Variants in SUGCT observed in about 807,000 individuals in gnomAD.
SUGCT encodes succinyl-CoA:glutarate-CoA transferase.
In SUGCT, 41 loss-of-function variants were observed where a neutral mutation model predicts 55.0. The ratio of observed to expected loss-of-function variants is 0.74; its 90% confidence interval spans 0.58 to 0.97. The LOEUF is 0.97. Among genes scored for constraint, SUGCT ranks in the 50% least tolerant of loss-of-function variants. The probability of loss-of-function intolerance (pLI) is 0.00; values close to 1 mark genes in which losing one functional copy is unlikely to be tolerated. For synonymous variants in SUGCT, 187 were observed against 200.4 expected (o/e 0.93, Z 0.56); for missense variants, 568 against 547.8 (o/e 1.04, Z -0.37).
chr7:41,008,946 G>A, the SUGCT span, among the ~76,000 whole-genome samples: 1 of 152,028 alleles, frequency 6.6e-6, no homozygotes, highest in East Asian at 1.9e-4. Context: ...GTTGGGTCTT[G>A]CGAGAATATG....
chr7:40,602,797 C>G (rs1798356764), intron 12 of SUGCT, among the ~76,000 whole-genome samples: 1 of 152,182 alleles, frequency 6.6e-6, no homozygotes, highest in Non-Finnish European at 1.5e-5. Context: ...GGTGTATGTA[C>G]TATCTCTCCC....
chr7:40,775,616 G>A (rs1321819250), intron 13 of SUGCT: 1 of 152,158 alleles, frequency 6.6e-6, no homozygotes, highest in East Asian at 1.9e-4. Flanking sequence ...GCTTCTCCAT[G>A]GGAGAAAATT....
At chr7:40,906,474 G>T in the SUGCT span, among the ~76,000 whole-genome samples, 1 of 152,066 alleles carries the variant, frequency 6.6e-6, no homozygotes, top group East Asian at 1.9e-4. Flanking sequence ...CAAGTATGTG[G>T]GCCCTCCATA....
chr7:40,640,249 T>C (rs1800210821), intron 12 of SUGCT, among the ~76,000 whole-genome samples: 1 of 152,212 alleles, frequency 6.6e-6, no homozygotes, highest in South Asian at 2.1e-4. Flanking sequence ...AAGCATGATA[T>C]ATGTTTATAC....
intron 12 of SUGCT, among the ~76,000 whole-genome samples, chr7:40,683,311 T>C (rs1337893639): frequency 6.6e-6 from 1 of 152,194 alleles, no homozygotes; most frequent in African/African-American, 2.4e-5. Context: ...CTGAAACTTC[T>C]GCAAATGTCG....
intron 12 of SUGCT, among the ~76,000 whole-genome samples, chr7:40,545,556 A>C (rs758008576): frequency 1.3e-5 from 2 of 152,150 alleles, no homozygotes; most frequent in Non-Finnish European, 2.9e-5. Flanking sequence ...CCTTACCTGA[A>C]AGCTTCCGGA....
At chr7:40,170,270 A>C (rs1384935271) in intron 1 of SUGCT, among the ~76,000 whole-genome samples, 1 of 152,132 alleles carries the variant, frequency 6.6e-6, no homozygotes, top group African/African-American at 2.4e-5. Flanking sequence ...CACTTCTCTC[A>C]TTTGGGGTTA....
chr7:40,190,907 C>G (rs1388722276), intron 5 of SUGCT, among the ~76,000 whole-genome samples: 2 of 152,134 alleles, frequency 1.3e-5, no homozygotes, highest in Non-Finnish European at 2.9e-5. Flanking sequence ...ACTGCATTTT[C>G]CATCCACGTT....
chr7:40,716,323 A>G (rs1274737683), intron 12 of SUGCT, among the ~76,000 whole-genome samples: 1 of 152,222 alleles, frequency 6.6e-6, no homozygotes, highest in Non-Finnish European at 1.5e-5. Context: ...CCTATTACAT[A>G]TAATGTGACT....
chr7:40,315,833 T>C (rs1175704939), intron 8 of SUGCT, among the ~76,000 whole-genome samples: 1 of 152,180 alleles, frequency 6.6e-6, no homozygotes, highest in Non-Finnish European at 1.5e-5. Flanking sequence ...TTTTATTCTT[T>C]TCTGGAATCC....
Position 40,379,515 on chromosome 7 carries a change from C to CT in SUGCT, c.816+62667dup, listed in dbSNP as rs371887630. Reference sequence around the variant, plus strand: ...CAATTCTGGAAATTATATGCTGGCTCTTTTTTTAGGATTTGTTGTTGTTTT... The same window carrying CT: ...CAATTCTGGAAATTATATGCTGGCTCTTTTTTTTAGGATTTGTTGTTGTTTT... On this transcript the variant is annotated intron_variant, in intron 9 of 13. Coordinates refer to ENST00000335693, the MANE Select transcript of SUGCT (RefSeq NM_001193313.2). Among the ~76,000 whole-genome samples, 13 of 152,244 alleles carry CT rather than the reference C, an allele frequency of 8.5e-5. No homozygotes were observed. The South Asian group carries it at 2.5e-3, about 29-fold the overall frequency.
chr7:40,626,473 C>T (rs1239400435), intron 12 of SUGCT, among the ~76,000 whole-genome samples: 2 of 151,196 alleles, frequency 1.3e-5, no homozygotes, highest in Non-Finnish European at 2.9e-5. Flanking sequence ...AGGATGGTCT[C>T]GATCTCTTGA....
chr7:40,879,438 C>G, the SUGCT span, among the ~76,000 whole-genome samples: 1 of 152,158 alleles, frequency 6.6e-6, no homozygotes, highest in Non-Finnish European at 1.5e-5. Flanking sequence ...ACATCTCTAA[C>G]TCAGAAATAC....
At chr7:40,263,012 T>C (rs994543650) in intron 7 of SUGCT, among the ~76,000 whole-genome samples, 5 of 152,206 alleles carry the variant, frequency 3.3e-5, no homozygotes, top group Non-Finnish European at 7.3e-5. Context: ...AAACTCTGCC[T>C]CCTGTTTTCA....
intron 12 of SUGCT, among the ~76,000 whole-genome samples, chr7:40,686,159 C>G (rs909588954): frequency 1.3e-5 from 2 of 152,048 alleles, no homozygotes; most frequent in African/African-American, 2.4e-5. Context: ...GTTTCCTGTT[C>G]CATTGTTTCC....
At chr7:40,570,142 A>T (rs1184722072) in intron 12 of SUGCT, among the ~76,000 whole-genome samples, 1 of 152,180 alleles carries the variant, frequency 6.6e-6, no homozygotes, top group African/African-American at 2.4e-5. Flanking sequence ...TGAAGTTGCT[A>T]CTCCGTTTTA....
chr7:40,558,120 TAA>T (rs1228005086), intron 12 of SUGCT, among the ~76,000 whole-genome samples: 1 of 148,014 alleles, frequency 6.8e-6, no homozygotes, highest in Non-Finnish European at 1.5e-5. Flanking sequence ...AACCAGAAAA[TAA>T]AAAGTTTTGA....
chr7:40,853,371 CT>C (rs2128801699), intron 13 of SUGCT, among the ~76,000 whole-genome samples: 1 of 151,976 alleles, frequency 6.6e-6, no homozygotes, highest in South Asian at 2.1e-4. Flanking sequence ...GATAGAAGCT[CT>C]TTTTGTTTTT....
chr7:40,234,937 AAAAGAT>A (rs1357631119), intron 6 of SUGCT, among the ~76,000 whole-genome samples: 1 of 152,154 alleles, frequency 6.6e-6, no homozygotes, highest in African/African-American at 2.4e-5. Context: ...AAAAAAAAGA[AAAAGAT>A]AATGGTTTTA....
Sources: allele counts gnomAD v4.1 joint callset (sites outside exome capture counted in the v4.1 genomes callset), GRCh38; gene constraint gnomAD v4.1.1; transcripts MANE v1.5; gene names NCBI Gene and HGNC (gene_info 2026-07-23, HGNC 2026-07-21).